Variants in OCA2 observed in about 807,000 individuals in gnomAD.
The protein encoded by OCA2 is OCA2 melanosomal transmembrane protein.
Under a neutral mutation model 100.2 loss-of-function variants are expected in OCA2, and 77 were observed. The ratio of observed to expected loss-of-function variants is 0.77; its 90% CI spans 0.64 to 0.93. OCA2 has a LOEUF of 0.93. OCA2 is among the 40% of genes least tolerant of loss of function. OCA2 has a pLI of 0.00. For synonymous variants in OCA2, 432 were observed against 439.2 expected (o/e 0.98, Z 0.21); for missense variants, 1,062 against 1,089.1 (o/e 0.98, Z 0.35).
chr15:27,783,699 AAG>A (rs2032660608), intron 23 of OCA2, among the ~76,000 whole-genome samples: 1 of 152,218 alleles, frequency 6.6e-6, no homozygotes, highest in African/African-American at 2.4e-5. Context: ...CTTCAAGTAA[AAG>A]AAGAATTTAC....
intron 23 of OCA2, among the ~76,000 whole-genome samples, chr15:27,766,387 C>A (rs182122405): frequency 2.0e-5 from 3 of 152,214 alleles, no homozygotes; most frequent in Admixed American, 6.5e-5. Flanking sequence ...CTCAGAGTTC[C>A]CAGCTAAGGA....
At chr15:27,871,119 A>C (rs1318538638) in intron 21 of OCA2, 35 bp downstream of exon 21, 5 of 1,509,250 alleles carry the variant, frequency 3.3e-6, no homozygotes, top group Non-Finnish European at 4.6e-6. Flanking sequence ...GTCCAGGCTA[A>C]AGTTGAGCCG....
At chr15:27,878,692 C>T (rs1030754640) in intron 19 of OCA2, among the ~76,000 whole-genome samples, 1 of 151,958 alleles carries the variant, frequency 6.6e-6, no homozygotes, top group Non-Finnish European at 1.5e-5. Flanking sequence ...GCATGTTTTC[C>T]TTTATTTCAT....
At chr15:28,006,414 T>C (rs1345909515) in intron 9 of OCA2, among the ~76,000 whole-genome samples, 1 of 152,130 alleles carries the variant, frequency 6.6e-6, no homozygotes, top group Non-Finnish European at 1.5e-5. Flanking sequence ...GCAAAATACT[T>C]GCCATTTTTC....
intron 19 of OCA2, among the ~76,000 whole-genome samples, chr15:27,879,258 T>C (rs2036915427): frequency 1.3e-5 from 2 of 152,168 alleles, no homozygotes; most frequent in South Asian, 2.1e-4. Flanking sequence ...GCTATCATTG[T>C]AGGGCATTTG....
the OCA2 span, among the ~76,000 whole-genome samples, chr15:27,737,683 G>C: frequency 1.2e-3 from 182 of 152,304 alleles, 1 homozygote; most frequent in Non-Finnish European, 1.5e-3. Context: ...TGGGAGGTGA[G>C]CAAATATTCC....
chr15:27,844,195 T>C (rs970292651), intron 23 of OCA2, among the ~76,000 whole-genome samples: 6 of 152,112 alleles, frequency 3.9e-5, no homozygotes, highest in African/African-American at 1.4e-4. Context: ...AGGCATCCGC[T>C]GGACGCCCCC....
intron 4 of OCA2, among the ~76,000 whole-genome samples, chr15:28,027,618 C>G (rs2042792553): frequency 6.6e-6 from 1 of 152,188 alleles, no homozygotes; most frequent in African/African-American, 2.4e-5. Context: ...GCCACACAAG[C>G]AGGAAGGAGA....
chr15:28,046,626 A>T (rs1308739316), intron 2 of OCA2, among the ~76,000 whole-genome samples: 1 of 152,194 alleles, frequency 6.6e-6, no homozygotes, highest in Non-Finnish European at 1.5e-5. Flanking sequence ...CCCAGGGCAG[A>T]GGGCAGGGGG....
intron 23 of OCA2, among the ~76,000 whole-genome samples, chr15:27,771,410 C>T (rs1396490856): frequency 2.0e-5 from 3 of 147,098 alleles, no homozygotes; most frequent in Non-Finnish European, 4.5e-5. Flanking sequence ...AAAAATACAG[C>T]CGCGCACGGA....
intron 19 of OCA2, among the ~76,000 whole-genome samples, chr15:27,875,760 G>A (rs1214254933): frequency 6.6e-6 from 1 of 151,452 alleles, no homozygotes; most frequent in Non-Finnish European, 1.5e-5. Flanking sequence ...TTATTCCTAG[G>A]TTTCTTAGGG....
chr15:27,856,661 C>T (rs529187718), intron 21 of OCA2, among the ~76,000 whole-genome samples: 4 of 151,650 alleles, frequency 2.6e-5, no homozygotes, highest in East Asian at 1.9e-4. Flanking sequence ...TTTAAAGTGG[C>T]AGTAATTATT....
chr15:27,841,519 A>G (rs903946881), intron 23 of OCA2, among the ~76,000 whole-genome samples: 13 of 152,254 alleles, frequency 8.5e-5, no homozygotes, highest in Non-Finnish European at 1.9e-4. Context: ...ATCTTGAAAG[A>G]AAAAGTTTTA....
rs1385895179 is a variant in OCA2, at chr15:28,042,046, T to C, written c.228-9883A>G. 2.0e-5 allele frequency among the ~76,000 whole-genome samples: 3 copies of C among 152,300 alleles called. No individual in the cohort carries two copies. In the East Asian group the frequency reaches 5.8e-4, roughly 29 times the overall value. ...AAGAGGAACAATTGGTTGGTGAGCA[T>C]ACAGGGGTTTGTAAAAACTAAACTT... On this transcript the variant is annotated intron_variant, in intron 2 of 23. Transcript: ENST00000354638.
chr15:27,949,872 C>T (rs191261181), intron 18 of OCA2, among the ~76,000 whole-genome samples: 7 of 152,240 alleles, frequency 4.6e-5, no homozygotes, highest in Non-Finnish European at 1.0e-4. Context: ...CCTAGTCAAC[C>T]TAACCTATCT....
intron 23 of OCA2, among the ~76,000 whole-genome samples, chr15:27,789,257 T>C (rs1369083345): frequency 6.6e-6 from 1 of 152,108 alleles, no homozygotes; most frequent in African/African-American, 2.4e-5. Flanking sequence ...TAATTTCCAT[T>C]CCTTTCTTTA....
At chr15:27,843,608 A>C (rs2035422645) in intron 23 of OCA2, among the ~76,000 whole-genome samples, 1 of 152,236 alleles carries the variant, frequency 6.6e-6, no homozygotes, top group Non-Finnish European at 1.5e-5. Flanking sequence ...CGATATGCCC[A>C]GAGTCCCACC....
At chr15:27,874,966 C>A (rs888824014) in intron 19 of OCA2, among the ~76,000 whole-genome samples, 7 of 152,024 alleles carry the variant, frequency 4.6e-5, no homozygotes, top group Admixed American at 3.3e-4. Context: ...AATTTATAGT[C>A]TTAAATATAC....
chr15:27,976,959 G>A lies in OCA2; in HGVS notation c.1503+6386C>T, dbSNP rs567486171. ...TCTTCTATAGATACAGGGCTACTCAGGTTACCTACTTCTTCTTGAGTGAAG... is the reference window on the plus strand; with the variant it reads ...TCTTCTATAGATACAGGGCTACTCAAGTTACCTACTTCTTCTTGAGTGAAG... On this transcript the variant is annotated intron_variant, in intron 14 of 23. Transcript: ENST00000354638. Among the ~76,000 whole-genome samples, 14 of 152,172 alleles carry A rather than the reference G, an allele frequency of 9.2e-5. No homozygotes were observed. In the East Asian group the frequency reaches 1.5e-3, roughly 17 times the overall value.
Sources: gnomAD v4.1 joint callset for allele counts (sites outside exome capture counted in the v4.1 genomes callset) on GRCh38, gnomAD v4.1.1 for gene constraint, MANE v1.5 for transcripts, NCBI Gene and HGNC (gene_info 2026-07-23, HGNC 2026-07-21) for gene names.